PLEKHD1: variants seen among roughly 807,000 people sequenced by gnomAD.
PLEKHD1 encodes the protein pleckstrin homology domain-containing family D member 1.
A neutral mutation model predicts 69.2 loss-of-function variants in PLEKHD1; 51 were observed. The ratio of observed to expected loss-of-function variants is 0.74; its 90% CI spans 0.59 to 0.93. The LOEUF (loss-of-function observed/expected upper bound fraction) is 0.93, where lower values mean the gene tolerates loss of function less well. PLEKHD1 is among the 40% of genes least tolerant of loss of function. PLEKHD1 has a pLI of 0.00. For synonymous variants in PLEKHD1, 236 were observed against 244.7 expected, an observed-to-expected ratio of 0.96 and a Z score of 0.33; for missense variants, 584 against 641.0, an observed-to-expected ratio of 0.91 and a Z score of 0.96.
intron 4 of PLEKHD1, chr14:69,501,154 C>G (rs781151807): frequency 2.0e-5 from 12 of 596,830 alleles, no homozygotes; most frequent in Non-Finnish European, 3.6e-5. Context: ...GTCTAGGTCA[C>G]AGGTGGCAGG....
chr14:69,477,945 C>G, the PLEKHD1 span, among the ~76,000 whole-genome samples: 1 of 152,212 alleles, frequency 6.6e-6, no homozygotes. Context: ...AGGCAATGTC[C>G]CAGTAGGGAC....
At chr14:69,480,849 C>T (rs188126620), upstream of PLEKHD1, among the ~76,000 whole-genome samples, 17 of 152,258 alleles carry the variant, frequency 1.1e-4, no homozygotes, top group East Asian at 3.9e-4. Context: ...GATGGAGTTT[C>T]GCCATGTTGG....
chr14:69,468,442 GTAAT>G, the PLEKHD1 span, among the ~76,000 whole-genome samples: 1 of 152,180 alleles, frequency 6.6e-6, no homozygotes, highest in East Asian at 1.9e-4. Context: ...AATTTCAACT[GTAAT>G]TATCTCTGGA....
At chr14:69,527,719 G>C in intron 11 of PLEKHD1, 64 bp from the exon 12 acceptor site, 1 of 1,523,986 alleles carries the variant, frequency 6.6e-7, no homozygotes, top group Non-Finnish European at 8.9e-7. Flanking sequence ...CCTTGGGAAG[G>C]GAGGGACTGG....
At chr14:69,518,621 C>T (rs1298527018) in intron 6 of PLEKHD1, among the ~76,000 whole-genome samples, 2 of 152,050 alleles carry the variant, frequency 1.3e-5, no homozygotes, top group African/African-American at 4.8e-5. Context: ...TTCAAGAATA[C>T]AATTAGTTTT....
At chr14:69,507,156 C>T (rs1454355194) in intron 6 of PLEKHD1, among the ~76,000 whole-genome samples, 1 of 152,124 alleles carries the variant, frequency 6.6e-6, no homozygotes, top group African/African-American at 2.4e-5. Context: ...TCCCAAAGTG[C>T]TGGGATTACA....
Position 69,501,832 on chromosome 14 carries a change from T to G in PLEKHD1, c.502+7T>G. 1 of 1,548,118 alleles carries G rather than the reference T, an allele frequency of 6.5e-7. No individual in the cohort carries two copies. The highest frequency in any genetic ancestry group is 8.7e-7 in the Non-Finnish European group (1 of 1,144,254). On this transcript the variant is annotated splice_region_variant and intron_variant, in intron 5 of 12. Coordinates refer to ENST00000322564, the MANE Select transcript of PLEKHD1 (RefSeq NM_001161498.2). ...GAAAAGCAGGAGTATTTAGGTTGGC[T>G]GGAGGGGTGGTTCCCTAATGGTAGC... is the stretch of plus-strand genomic sequence containing the variant.
At chr14:69,513,281 G>C (rs944609644) in intron 6 of PLEKHD1, among the ~76,000 whole-genome samples, 13 of 151,668 alleles carry the variant, frequency 8.6e-5, no homozygotes, top group African/African-American at 3.2e-4. Context: ...ATAAAAAAGA[G>C]TTTAATGGAG....
chr14:69,496,883 T>C (rs930269516), intron 1 of PLEKHD1, among the ~76,000 whole-genome samples: 1 of 151,930 alleles, frequency 6.6e-6, no homozygotes, highest in Non-Finnish European at 1.5e-5. Flanking sequence ...CACAGTCCTA[T>C]TGGATTAGGG....
intron 11 of PLEKHD1, 29 bp downstream of exon 11, chr14:69,527,361 C>T: frequency 6.4e-7 from 1 of 1,550,908 alleles, no homozygotes; most frequent in Non-Finnish European, 8.7e-7. Flanking sequence ...CCCTGGCCCC[C>T]AGCTTTGGCA....
intron 1 of PLEKHD1, among the ~76,000 whole-genome samples, chr14:69,494,063 C>A (rs1882834350): frequency 6.6e-6 from 1 of 152,150 alleles, no homozygotes; most frequent in Non-Finnish European, 1.5e-5. Context: ...AAAAGGAGGT[C>A]AGGGGAGAGT....
chr14:69,493,885 G>C (rs966998945), intron 1 of PLEKHD1, among the ~76,000 whole-genome samples: 6 of 152,240 alleles, frequency 3.9e-5, no homozygotes, highest in Admixed American at 3.3e-4. Context: ...GATGGGCAAA[G>C]CTTCTCCCAG....
At chr14:69,494,748 G>C (rs766624850) in intron 1 of PLEKHD1, among the ~76,000 whole-genome samples, 1 of 152,210 alleles carries the variant, frequency 6.6e-6, no homozygotes, top group African/African-American at 2.4e-5. Context: ...AGGGGACTTT[G>C]GAATAGGGTG....
the PLEKHD1 span, among the ~76,000 whole-genome samples, chr14:69,474,471 A>G: frequency 2.6e-5 from 4 of 152,152 alleles, no homozygotes; most frequent in African/African-American, 9.7e-5. Flanking sequence ...CAAATCAGAA[A>G]ATCTTTGTGA....
chr14:69,501,666 C>T, intron 4 of PLEKHD1, 68 bp from the exon 5 acceptor site: 2 of 1,232,220 alleles, frequency 1.6e-6, no homozygotes, highest in Non-Finnish European at 2.3e-6. Flanking sequence ...TCCCCTCTAC[C>T]CTTCTGTTTT....
At chr14:69,524,935 C>A (rs1029892107) in intron 8 of PLEKHD1, among the ~76,000 whole-genome samples, 4 of 152,162 alleles carry the variant, frequency 2.6e-5, no homozygotes, top group Admixed American at 2.6e-4. Flanking sequence ...TCAGGTACTC[C>A]AAGGAAGCAA....
intron 6 of PLEKHD1, among the ~76,000 whole-genome samples, chr14:69,504,468 T>A (rs1883108436): frequency 7.3e-6 from 1 of 137,074 alleles, no homozygotes; most frequent in Non-Finnish European, 1.6e-5. Context: ...AAAAGCATCA[T>A]GTCCCCTTTG....
chr14:69,492,861 C>T (rs769225347), intron 1 of PLEKHD1, among the ~76,000 whole-genome samples: 1 of 152,046 alleles, frequency 6.6e-6, no homozygotes, highest in Non-Finnish European at 1.5e-5. Context: ...CGTCGACCTC[C>T]TGGTCTCAAG....
intron 8 of PLEKHD1, among the ~76,000 whole-genome samples, chr14:69,525,074 C>A (rs1413444000): frequency 6.6e-6 from 1 of 152,116 alleles, no homozygotes; most frequent in Non-Finnish European, 1.5e-5. Flanking sequence ...CTCAGTCAAG[C>A]TTCTCTGATT....
Sources: allele counts gnomAD v4.1 joint callset (sites outside exome capture counted in the v4.1 genomes callset), GRCh38; gene constraint gnomAD v4.1.1; transcripts MANE v1.5; gene names NCBI Gene and HGNC (gene_info 2026-07-23, HGNC 2026-07-21).